CDH18: variants seen among roughly 807,000 people sequenced by gnomAD.
The protein encoded by CDH18 is cadherin 18.
Under a neutral mutation model 67.9 loss-of-function variants are expected in CDH18, and 31 were observed. The observed-to-expected ratio is 0.46, with a 90% CI of 0.34 to 0.62. The LOEUF (loss-of-function observed/expected upper bound fraction) is 0.62. Among genes scored for constraint, CDH18 ranks in the 20% least tolerant of loss-of-function variants. The probability of loss-of-function intolerance (pLI) is 0.01; values close to 1 mark genes in which losing one functional copy is unlikely to be tolerated. For synonymous variants in CDH18, 362 were observed against 347.2 expected (o/e 1.04, Z -0.48); for missense variants, 890 against 975.5 (o/e 0.91, Z 1.17).
intron 10 of CDH18, among the ~76,000 whole-genome samples, chr5:19,506,906 G>T (rs1458923786): frequency 6.6e-6 from 1 of 152,132 alleles, no homozygotes; most frequent in African/African-American, 2.4e-5. Flanking sequence ...TGACAAATGG[G>T]ATCTAATTAA....
chr5:20,538,655 C>T (rs1756861445), intron 1 of CDH18, among the ~76,000 whole-genome samples: 1 of 152,010 alleles, frequency 6.6e-6, no homozygotes, highest in Non-Finnish European at 1.5e-5. Context: ...CCAGATTCTT[C>T]TATTATTTGA....
intron 1 of CDH18, among the ~76,000 whole-genome samples, chr5:20,315,542 A>G (rs564038790): frequency 3.9e-5 from 6 of 152,202 alleles, no homozygotes; most frequent in East Asian, 1.9e-4. Flanking sequence ...TGAGCTCTCT[A>G]TGATCTGCCT....
chr5:19,917,894 A>G (rs114790685), intron 2 of CDH18, among the ~76,000 whole-genome samples: 2,093 of 152,246 alleles, frequency 0.014, 53 homozygotes, highest in African/African-American at 0.048. Flanking sequence ...TTATACCTCT[A>G]CGACAGATAA....
intron 1 of CDH18, among the ~76,000 whole-genome samples, chr5:20,409,351 T>C (rs1402116963): frequency 6.6e-6 from 1 of 151,756 alleles, no homozygotes; most frequent in Non-Finnish European, 1.5e-5. Flanking sequence ...TAAAACTAGT[T>C]TGATACCAGA....
chr5:19,873,940 GCCTGGCCAAAAAAAA>G, intron 2 of CDH18, among the ~76,000 whole-genome samples: 1 of 151,944 alleles, frequency 6.6e-6, no homozygotes, highest in Non-Finnish European at 1.5e-5. Flanking sequence ...GAGCCACCGT[GCCTGGCCAAAAAAAA>G]TCATTTTTGA....
At chr5:20,109,489 C>A (rs1478844112) in intron 2 of CDH18, among the ~76,000 whole-genome samples, 1 of 152,142 alleles carries the variant, frequency 6.6e-6, no homozygotes, top group East Asian at 1.9e-4. Flanking sequence ...ACACTCTATG[C>A]CCCAGAGGAA....
At chr5:19,772,862 T>C (rs937427999) in intron 3 of CDH18, among the ~76,000 whole-genome samples, 1 of 152,164 alleles carries the variant, frequency 6.6e-6, no homozygotes, top group Non-Finnish European at 1.5e-5. Context: ...TAAGTCTAAG[T>C]GTACAAAACT....
intron 1 of CDH18, among the ~76,000 whole-genome samples, chr5:20,457,405 A>C (rs1000753882): frequency 3.9e-5 from 6 of 152,284 alleles, no homozygotes; most frequent in East Asian, 1.9e-4. Context: ...CAACACATTC[A>C]ATTCTCCAAA....
intron 2 of CDH18, among the ~76,000 whole-genome samples, chr5:20,082,408 A>G (rs1744557080): frequency 6.6e-6 from 1 of 152,198 alleles, no homozygotes; most frequent in Non-Finnish European, 1.5e-5. Context: ...TAGAAATGAC[A>G]ATTGCTTTTG....
chr5:20,420,514 G>A (rs190309975), intron 1 of CDH18, among the ~76,000 whole-genome samples: 4 of 151,166 alleles, frequency 2.6e-5, no homozygotes, highest in African/African-American at 9.9e-5. Flanking sequence ...ATTTTATTGT[G>A]AAAAATAAAG....
chr5:19,614,204 A>G (rs983237037), intron 5 of CDH18, among the ~76,000 whole-genome samples: 1 of 151,786 alleles, frequency 6.6e-6, no homozygotes, highest in South Asian at 2.1e-4. Flanking sequence ...GTAAATCACT[A>G]TTTTCTTTTT....
chr5:19,576,610 A>G lies in CDH18; in HGVS notation c.1000-4778T>C, dbSNP rs189477489. Reference sequence around the variant, plus strand: ...TGAACGATAACAAGTATTGGCAAGGATGTGGAGAAAAGGAAACACAGGACT... The same window carrying G: ...TGAACGATAACAAGTATTGGCAAGGGTGTGGAGAAAAGGAAACACAGGACT... On this transcript the variant is annotated intron_variant, in intron 7 of 12. Coordinates refer to ENST00000382275, the MANE Select transcript of CDH18 (RefSeq NM_004934.5). 4.4e-3 allele frequency among the ~76,000 whole-genome samples: 675 copies of G among 152,282 alleles called. 2 individuals carry two copies. Among genetic ancestry groups the G allele is most frequent in the Non-Finnish European group, 7.3e-3 (495 of 68,000 alleles).
intron 10 of CDH18, among the ~76,000 whole-genome samples, chr5:19,510,721 C>A (rs936505537): frequency 1.2e-4 from 19 of 152,034 alleles, no homozygotes; most frequent in Non-Finnish European, 2.5e-4. Context: ...CCACATAACC[C>A]CTACCTGGAG....
At chr5:20,073,790 T>C (rs1005299425) in intron 2 of CDH18, among the ~76,000 whole-genome samples, 19 of 152,002 alleles carry the variant, frequency 1.2e-4, no homozygotes, top group African/African-American at 4.6e-4. Context: ...AGGAAAATAC[T>C]GTGAGAAAGA....
At chr5:20,495,904 A>G (rs1753878492) in intron 1 of CDH18, among the ~76,000 whole-genome samples, 1 of 152,202 alleles carries the variant, frequency 6.6e-6, no homozygotes, top group Non-Finnish European at 1.5e-5. Context: ...TGAAAAGTTC[A>G]GGAAGAATGG....
At chr5:19,564,620 C>T (rs1740034573) in intron 8 of CDH18, among the ~76,000 whole-genome samples, 1 of 152,068 alleles carries the variant, frequency 6.6e-6, no homozygotes, top group Admixed American at 6.6e-5. Flanking sequence ...AGGTGTAACC[C>T]AGGGTATTAA....
intron 12 of CDH18, among the ~76,000 whole-genome samples, chr5:19,481,856 G>A (rs1357680749): frequency 1.3e-5 from 2 of 152,144 alleles, no homozygotes; most frequent in African/African-American, 4.8e-5. Flanking sequence ...AAAACAGGCT[G>A]CTAAGAGAAA....
At chr5:20,416,343 A>G (rs1048491839) in intron 1 of CDH18, among the ~76,000 whole-genome samples, 33 of 152,132 alleles carry the variant, frequency 2.2e-4, no homozygotes, top group African/African-American at 7.5e-4. Flanking sequence ...TAGAGAAATG[A>G]CTTTGTCAGA....
At chr5:19,611,708 T>C (rs1748993888) in intron 6 of CDH18, among the ~76,000 whole-genome samples, 1 of 152,152 alleles carries the variant, frequency 6.6e-6, no homozygotes, top group African/African-American at 2.4e-5. Flanking sequence ...TGATTATTAG[T>C]GACTGTCGTA....
Sources: gnomAD v4.1 joint callset for allele counts (sites outside exome capture counted in the v4.1 genomes callset) on GRCh38, gnomAD v4.1.1 for gene constraint, MANE v1.5 for transcripts, NCBI Gene and HGNC (gene_info 2026-07-23, HGNC 2026-07-21) for gene names.